The following SLC44A5 variants were observed in gnomAD, a reference collection of about 807,000 sequenced individuals.
SLC44A5 encodes solute carrier family 44 member 5.
Under a neutral mutation model 101.8 loss-of-function variants are expected in SLC44A5, and 57 were observed. That is an observed-to-expected ratio of 0.56 (90% CI 0.45 to 0.70). The LOEUF is 0.70. Ranked by LOEUF, SLC44A5 falls within the 30% of genes least tolerant of loss-of-function variation. The pLI is 0.00. For missense variants in SLC44A5, 737 were observed against 853.1 expected (o/e 0.86, Z 1.70); for synonymous variants, 281 against 290.9 (o/e 0.97, Z 0.35).
intron 3 of SLC44A5, among the ~76,000 whole-genome samples, chr1:75,392,727 C>T (rs1557737140): frequency 6.6e-6 from 1 of 152,024 alleles, no homozygotes; most frequent in East Asian, 1.9e-4. Context: ...CCAGGATTCA[C>T]AATAGCAAAG....
the SLC44A5 span, among the ~76,000 whole-genome samples, chr1:75,707,074 T>G: frequency 6.6e-6 from 1 of 152,222 alleles, no homozygotes; most frequent in African/African-American, 2.4e-5. Flanking sequence ...TTTCACATGA[T>G]ATGGTAACAG....
chr1:75,682,824 C>T, the SLC44A5 span, among the ~76,000 whole-genome samples: 1 of 152,106 alleles, frequency 6.6e-6, no homozygotes, highest in East Asian at 1.9e-4. Context: ...AGGCAACCTA[C>T]AAAATGGGAG....
At chr1:75,643,257 T>C in the SLC44A5 span, among the ~76,000 whole-genome samples, 2 of 152,118 alleles carry the variant, frequency 1.3e-5, no homozygotes, top group African/African-American at 4.8e-5. Flanking sequence ...TCAAAAAGGA[T>C]TGTGTTTCTC....
chr1:75,641,254 G>C, the SLC44A5 span: 2 of 500,994 alleles, frequency 4.0e-6, no homozygotes, highest in East Asian at 6.7e-5. Context: ...AATCTTACAT[G>C]TTTAAAGCAT....
At chr1:75,374,421 C>T (rs1660432524) in intron 3 of SLC44A5, among the ~76,000 whole-genome samples, 1 of 152,156 alleles carries the variant, frequency 6.6e-6, no homozygotes, top group African/African-American at 2.4e-5. Flanking sequence ...TTGGCACAGA[C>T]CACACCTAAG....
chr1:75,203,932 C>CTTT (rs371367324), intron 23 of SLC44A5, 99 bp from the exon 24 acceptor site: 3 of 902,148 alleles, frequency 3.3e-6, no homozygotes, highest in South Asian at 2.8e-5. Flanking sequence ...GTTCAAAATC[C>CTTT]TTTTGTTGTT....
At chr1:75,701,138 T>A in the SLC44A5 span, among the ~76,000 whole-genome samples, 1 of 151,892 alleles carries the variant, frequency 6.6e-6, no homozygotes, top group African/African-American at 2.4e-5. Flanking sequence ...AAAGAGGGAA[T>A]CCTCCCTAAC....
At chr1:75,206,812 A>G in intron 23 of SLC44A5, 4 of 726,092 alleles carry the variant, frequency 5.5e-6, no homozygotes, top group African/African-American at 1.8e-5. Context: ...GGGAAAAATC[A>G]GAAAAATCAG....
the SLC44A5 span, among the ~76,000 whole-genome samples, chr1:75,647,818 G>A: frequency 6.6e-6 from 1 of 152,174 alleles, no homozygotes; most frequent in East Asian, 1.9e-4. Context: ...TACTCCCATT[G>A]TACCTTGGAA....
intron 4 of SLC44A5, among the ~76,000 whole-genome samples, chr1:75,316,661 T>G (rs538931366): frequency 1.5e-4 from 23 of 152,364 alleles, no homozygotes; most frequent in African/African-American, 5.0e-4. Flanking sequence ...GAATTTGTTA[T>G]ACAAAGGAGC....
At chr1:75,422,223 C>T (rs1411264536) in intron 2 of SLC44A5, among the ~76,000 whole-genome samples, 1 of 152,090 alleles carries the variant, frequency 6.6e-6, no homozygotes, top group African/African-American at 2.4e-5. Flanking sequence ...ATTGAAGCCT[C>T]CAGGTTAGAG....
intron 2 of SLC44A5, among the ~76,000 whole-genome samples, chr1:75,484,023 C>T (rs1249139154): frequency 1.3e-5 from 2 of 152,260 alleles, no homozygotes; most frequent in East Asian, 3.9e-4. Flanking sequence ...CCCACCAGGC[C>T]CCTCCTCCAA....
chr1:75,519,651 T>C (rs944594134), intron 2 of SLC44A5, among the ~76,000 whole-genome samples: 1 of 152,244 alleles, frequency 6.6e-6, no homozygotes, highest in Non-Finnish European at 1.5e-5. Context: ...TTGAAAAATA[T>C]GCAATATTCC....
At chr1:75,703,606 A>C in the SLC44A5 span, among the ~76,000 whole-genome samples, 1 of 152,036 alleles carries the variant, frequency 6.6e-6, no homozygotes, top group East Asian at 1.9e-4. Flanking sequence ...TCACATGTAT[A>C]CATATGCAAC....
chr1:75,568,068 A>C (rs1222984391), intron 1 of SLC44A5, among the ~76,000 whole-genome samples: 2 of 152,324 alleles, frequency 1.3e-5, no homozygotes, highest in Middle Eastern at 3.4e-3. Context: ...GAAATTGGCA[A>C]TGTAGGAAAG....
At chr1:75,335,484 G>A (rs1467078902) in intron 4 of SLC44A5, among the ~76,000 whole-genome samples, 3 of 152,144 alleles carry the variant, frequency 2.0e-5, no homozygotes, top group Non-Finnish European at 4.4e-5. Flanking sequence ...AAGGGGAATT[G>A]CATGAATAGA....
chr1:75,240,241 A>T (rs1255695753), intron 9 of SLC44A5, among the ~76,000 whole-genome samples: 1 of 152,056 alleles, frequency 6.6e-6, no homozygotes, highest in Non-Finnish European at 1.5e-5. Context: ...AAGACATGCA[A>T]TGTTTTCCCT....
intron 1 of SLC44A5, among the ~76,000 whole-genome samples, chr1:75,593,501 A>G (rs572761943): frequency 5.9e-5 from 9 of 152,238 alleles, no homozygotes; most frequent in African/African-American, 1.9e-4. Flanking sequence ...ACCCAAAAGA[A>G]AGGAAATCAG....
At chr1:75,604,230 T>C (rs1268252695) in intron 1 of SLC44A5, among the ~76,000 whole-genome samples, 1 of 152,182 alleles carries the variant, frequency 6.6e-6, no homozygotes, top group Non-Finnish European at 1.5e-5. Context: ...CTTCTGCATA[T>C]GGATAGCCAG....
Sources: allele counts gnomAD v4.1 joint callset (sites outside exome capture counted in the v4.1 genomes callset), GRCh38; gene constraint gnomAD v4.1.1; transcripts MANE v1.5; gene names NCBI Gene and HGNC (gene_info 2026-07-23, HGNC 2026-07-21).